The following MCF2L2 variants were observed in gnomAD, a reference collection of about 807,000 sequenced individuals.
MCF2L2 encodes the protein MCF.2 cell line derived transforming sequence-like 2.
Under a neutral mutation model 150.2 loss-of-function variants are expected in MCF2L2, and 102 were observed. The observed-to-expected ratio is 0.68, with a 90% CI of 0.58 to 0.80. The LOEUF is 0.80. MCF2L2 is among the 30% of genes least tolerant of loss of function. The pLI, the probability that MCF2L2 is intolerant of heterozygous loss-of-function variation, is 0.00. For synonymous variants in MCF2L2, 465 were observed against 491.3 expected, an observed-to-expected ratio of 0.95 and a Z score of 0.71; for missense variants, 1,256 against 1,372.8, an observed-to-expected ratio of 0.91 and a Z score of 1.34.
At chr3:183,289,886 G>A (rs1728025255) in intron 13 of MCF2L2, among the ~76,000 whole-genome samples, 1 of 151,994 alleles carries the variant, frequency 6.6e-6, no homozygotes, top group Non-Finnish European at 1.5e-5. Context: ...AAACAAAAAG[G>A]CCACTTTCCT....
chr3:183,428,151 C>T lies in MCF2L2; in HGVS notation c.-174G>A. 1 of 594,380 alleles carries T rather than the reference C, an allele frequency of 1.7e-6. No homozygotes were observed. The highest frequency in any genetic ancestry group is 2.0e-5 in the South Asian group (1 of 49,522). The allele number at this position is 594,380 out of a possible 1,614,324, so 36.8% of individuals were successfully genotyped here. A position where few individuals can be genotyped will look rare whatever the true frequency, so the allele number is the denominator to read the frequency against. Reference sequence around the variant, plus strand: ...AGCCTAGGCCAGCTCTCCCTCGCCACGCCCCGCGGGGGCTCCCGTGACAGA... The same window carrying T: ...AGCCTAGGCCAGCTCTCCCTCGCCATGCCCCGCGGGGGCTCCCGTGACAGA... On this transcript the variant is annotated 5_prime_UTR_variant, in exon 1 of 30. In the 5' UTR this introduces an upstream ATG that the reference lacks. Transcript: ENST00000328913. This position sits in a 1 kb window ranked among gnomAD's most constrained non-coding sequence, Gnocchi z 5.1.
intron 14 of MCF2L2, 125 bp downstream of exon 14, chr3:183,288,995 A>C: frequency 1.6e-6 from 1 of 639,108 alleles, no homozygotes; most frequent in East Asian, 2.7e-5. Flanking sequence ...TCTTGAAAGC[A>C]TTAGTCTGTG....
intron 14 of MCF2L2, among the ~76,000 whole-genome samples, chr3:183,278,845 T>A (rs1727315809): frequency 6.6e-6 from 1 of 151,864 alleles, no homozygotes; most frequent in Non-Finnish European, 1.5e-5. Context: ...AATGATGAGA[T>A]TTCCCTAATT....
chr3:183,391,798 G>GT (rs1280949836), intron 1 of MCF2L2, among the ~76,000 whole-genome samples: 1 of 152,188 alleles, frequency 6.6e-6, no homozygotes, highest in Admixed American at 6.5e-5. Context: ...TAATTAAAGA[G>GT]TTTTCAGAGT....
In MCF2L2 at chr3:183,184,446, T is replaced by C. The variant is rs1721629031; in HGVS notation, c.3017-4287A>G. On this transcript the variant is annotated intron_variant, in intron 27 of 29. Coordinates refer to ENST00000328913, the MANE Select transcript of MCF2L2 (RefSeq NM_015078.4). ...GTCTCTGGGGCACTCTCAGTCTATG[T>C]ATCAGATAAGCATAAGGAGTATTGG... 2.0e-5 allele frequency among the ~76,000 whole-genome samples: 3 copies of C among 152,232 alleles called. No homozygotes were observed. In the South Asian group the frequency reaches 6.2e-4, roughly 32 times the overall value.
chr3:183,352,809 T>G lies in MCF2L2; in HGVS notation c.276-11179A>C, dbSNP rs139117104. 5.1e-4 allele frequency among the ~76,000 whole-genome samples: 78 copies of G among 152,308 alleles called. 1 individual carries two copies. In the Middle Eastern group the frequency reaches 0.01, roughly 20 times the overall value. The stretch of plus-strand genomic sequence containing the variant: ...AGATATATGAAAAATGACTGAACTA[T>G]TTGGTTATATTAAAGTATATTTTGT... On this transcript the variant is annotated intron_variant, in intron 3 of 29. Coordinates refer to ENST00000328913, the MANE Select transcript of MCF2L2 (RefSeq NM_015078.4).
chr3:183,238,995 C>CAA (rs60736939), intron 15 of MCF2L2, among the ~76,000 whole-genome samples: 1,923 of 86,366 alleles, frequency 0.022, 63 homozygotes, highest in African/African-American at 0.052. Flanking sequence ...ATATCCGTCT[C>CAA]AAAAAAAAAA....
chr3:183,250,356 C>T (rs1029678939), intron 15 of MCF2L2, among the ~76,000 whole-genome samples: 7 of 152,016 alleles, frequency 4.6e-5, no homozygotes, highest in South Asian at 2.1e-4. Flanking sequence ...GAGGCCGAGG[C>T]GGGCGGATCA....
intron 3 of MCF2L2, among the ~76,000 whole-genome samples, chr3:183,345,740 C>T (rs2108546273): frequency 6.6e-6 from 1 of 152,288 alleles, no homozygotes; most frequent in South Asian, 2.1e-4. Flanking sequence ...AAGGGGGTAT[C>T]ACCACTGATC....
At chr3:183,346,084 T>C (rs564182476) in intron 3 of MCF2L2, among the ~76,000 whole-genome samples, 1 of 152,266 alleles carries the variant, frequency 6.6e-6, no homozygotes, top group Non-Finnish European at 1.5e-5. Flanking sequence ...GCCAGCATCA[T>C]CCTGATACCA....
At chr3:183,278,563 G>A (rs1464576) in intron 14 of MCF2L2, among the ~76,000 whole-genome samples, 3,927 of 152,240 alleles carry the variant, frequency 0.026, 172 homozygotes, top group African/African-American at 0.087. Context: ...TACTATGCCT[G>A]AATTCCCCAC....
chr3:183,336,855 CAA>C (rs566104436), intron 5 of MCF2L2, among the ~76,000 whole-genome samples: 3 of 132,284 alleles, frequency 2.3e-5, no homozygotes, highest in African/African-American at 9.9e-5. Context: ...AACTCCATCT[CAA>C]AAAAAAAATA....
intron 15 of MCF2L2, chr3:183,271,853 A>G (rs1047371878): frequency 6.0e-6 from 1 of 167,108 alleles, no homozygotes; most frequent in Non-Finnish European, 1.5e-5. Flanking sequence ...AAGACAGAAC[A>G]TTACAAGCCT....
chr3:183,255,008 T>C (rs930822193), intron 15 of MCF2L2, among the ~76,000 whole-genome samples: 2 of 152,248 alleles, frequency 1.3e-5, no homozygotes, highest in African/African-American at 4.8e-5. Context: ...TCTTAGGTTA[T>C]GGATCATGTT....
chr3:183,380,368 T>G (rs1423512204), intron 2 of MCF2L2, among the ~76,000 whole-genome samples: 1 of 152,190 alleles, frequency 6.6e-6, no homozygotes, highest in African/African-American at 2.4e-5. Context: ...TATGCACTAC[T>G]ACTACCATAT....
At chr3:183,271,633 T>A (rs1726791956) in intron 15 of MCF2L2, 1 of 167,098 alleles carries the variant, frequency 6.0e-6, no homozygotes, top group African/African-American at 2.4e-5. Context: ...TAATGGATTT[T>A]TTTTTAAGTA....
chr3:183,324,166 T>G (rs937905567), intron 5 of MCF2L2, among the ~76,000 whole-genome samples: 19 of 152,204 alleles, frequency 1.2e-4, no homozygotes, highest in Admixed American at 1.2e-3. Context: ...ATGAAGAATA[T>G]TGATGTGTCC....
chr3:183,319,996 T>A (rs937379660), intron 6 of MCF2L2, among the ~76,000 whole-genome samples: 17 of 152,198 alleles, frequency 1.1e-4, no homozygotes, highest in Non-Finnish European at 2.4e-4. Context: ...GGCATTCACT[T>A]CTCTAGTTAT....
rs770969327 is a variant in MCF2L2, at chr3:183,206,220, A to G, written c.2713-6T>C. On this transcript the variant is annotated splice_polypyrimidine_tract_variant and splice_region_variant and intron_variant, in intron 23 of 29. Coordinates refer to ENST00000328913, the MANE Select transcript of MCF2L2 (RefSeq NM_015078.4). ...CGAATTGAAAGTGTCATCAGCTATT[A>G]TAAAGAGGGAAGAGAAATGTTCTAT... 2 of 1,605,322 alleles carry G rather than the reference A, an allele frequency of 1.2e-6. No individual in the cohort carries two copies. Among genetic ancestry groups the G allele is most frequent in the Non-Finnish European group, 8.5e-7 (1 of 1,171,992 alleles).
Sources: gnomAD v4.1 joint callset for allele counts (sites outside exome capture counted in the v4.1 genomes callset) on GRCh38, gnomAD v4.1.1 for gene constraint, Gnocchi (gnomAD v3.1) non-coding constraint, MANE v1.5 for transcripts, NCBI Gene and HGNC (gene_info 2026-07-23, HGNC 2026-07-21) for gene names.